The following HTRA1 variants were observed in gnomAD, a reference collection of about 807,000 sequenced individuals.
The protein encoded by HTRA1 is serine protease HTRA1.
HTRA1 carries 26 observed loss-of-function variants against 49.7 expected under a neutral mutation model. The observed-to-expected ratio is 0.52, with a 90% confidence interval of 0.38 to 0.73. The LOEUF (loss-of-function observed/expected upper bound fraction) is 0.73. Among genes scored for constraint, HTRA1 ranks in the 30% least tolerant of loss-of-function variants. HTRA1 has a pLI of 0.00. For synonymous variants in HTRA1, 291 were observed against 286.9 expected (o/e 1.01, Z -0.14); for missense variants, 561 against 667.2 (o/e 0.84, Z 1.75).
Position 122,461,817 on chromosome 10 carries a change from C to A in HTRA1, c.165C>A (p.Gly55=), listed in dbSNP as rs947247701. 74 of 1,076,378 alleles carry A rather than the reference C, an allele frequency of 6.9e-5. 1 individual carries two copies. The highest frequency in any genetic ancestry group is 8.3e-4 in the Middle Eastern group (2 of 2,422). The allele number at this position is 1,076,378 out of a possible 1,614,324, so 66.7% of individuals were successfully genotyped here. The change falls in exon 1 of 9, where the codon GGC becomes GGA. Residue 55 remains glycine, a synonymous_variant. Coordinates refer to ENST00000368984, the MANE Select transcript of HTRA1 (RefSeq NM_002775.5). ...RCPPQPEHCE[G]GRARDACGCC... is the part of the protein sequence containing the mutation. ...CGCCGCAGCCGGAGCACTGCGAGGG[C>A]GGCCGGGCCCGGGACGCGTGCGGCT... is the stretch of plus-strand genomic sequence containing the variant.
chr10:122,485,933 A>G (rs921323634), intron 1 of HTRA1, among the ~76,000 whole-genome samples: 18 of 152,236 alleles, frequency 1.2e-4, no homozygotes, highest in Admixed American at 9.8e-4. Context: ...GAGGAAGCCC[A>G]GATGCGTTTG....
chr10:122,477,022 C>T (rs1462847951), intron 1 of HTRA1, among the ~76,000 whole-genome samples: 3 of 142,738 alleles, frequency 2.1e-5, no homozygotes, highest in Non-Finnish European at 4.5e-5. Flanking sequence ...GGCTGGAGTG[C>T]ACTGGCGCAA....
intron 3 of HTRA1, among the ~76,000 whole-genome samples, chr10:122,497,752 G>T (rs745406376): frequency 2.0e-5 from 3 of 152,180 alleles, no homozygotes; most frequent in Non-Finnish European, 2.9e-5. Context: ...GACCTGGCTG[G>T]TTCATTCTTT....
Position 122,512,009 on chromosome 10 carries a change from A to AG in HTRA1, c.1219dup (p.Asp407GlyfsTer10). ...TGAAGGACCGGCACCGGGACTTCCC[A>AG]GACGTGATCTCAGGAGCGTATATAA... On this transcript the variant is annotated frameshift_variant, in exon 8 of 9. Transcript: ENST00000368984. LOFTEE classifies it high-confidence loss of function. 1 of 1,614,096 alleles carries AG rather than the reference A, an allele frequency of 6.2e-7. No individual in the cohort carries two copies. Among genetic ancestry groups the AG allele is most frequent in the Non-Finnish European group, 8.5e-7 (1 of 1,179,986 alleles).
At chr10:122,507,027 C>A (rs932996683) in intron 4 of HTRA1, 142 bp downstream of exon 4, 13 of 798,970 alleles carry the variant, frequency 1.6e-5, no homozygotes, top group Non-Finnish European at 2.5e-5. Flanking sequence ...ATTCTAGTGC[C>A]AGCAGCATGG....
At chr10:122,489,804 G>C (rs1191969570) in intron 3 of HTRA1, among the ~76,000 whole-genome samples, 178 bp downstream of exon 3, 2 of 151,798 alleles carry the variant, frequency 1.3e-5, no homozygotes, top group African/African-American at 4.8e-5. Context: ...GGAGAGGAAG[G>C]GGCTCAGGAA....
chr10:122,467,489 C>A (rs2097484245), intron 1 of HTRA1, among the ~76,000 whole-genome samples: 1 of 152,178 alleles, frequency 6.6e-6, no homozygotes, highest in African/African-American at 2.4e-5. Flanking sequence ...CCTGGGGAGG[C>A]TTCCTTATGA....
intron 3 of HTRA1, among the ~76,000 whole-genome samples, chr10:122,492,863 C>T (rs985499695): frequency 6.6e-6 from 1 of 152,118 alleles, no homozygotes; most frequent in Admixed American, 6.5e-5. Flanking sequence ...CCCTTGGAAT[C>T]GCAAAGTGAA....
At chr10:122,486,083 A>G (rs554738437) in intron 1 of HTRA1, among the ~76,000 whole-genome samples, 1 of 152,278 alleles carries the variant, frequency 6.6e-6, no homozygotes, top group East Asian at 1.9e-4. Context: ...AGGGTAGCAG[A>G]TCTGTAGGAG....
chr10:122,502,767 A>G (rs2097501480), intron 3 of HTRA1, among the ~76,000 whole-genome samples: 1 of 152,196 alleles, frequency 6.6e-6, no homozygotes, highest in South Asian at 2.1e-4. Context: ...TTTTGCACCA[A>G]ACTTGAGCTA....
chr10:122,500,711 G>A (rs1181616903), intron 3 of HTRA1, among the ~76,000 whole-genome samples: 2 of 152,118 alleles, frequency 1.3e-5, no homozygotes, highest in East Asian at 1.9e-4. Flanking sequence ...AGCCTGAGGC[G>A]CGCTGTCAAC....
chr10:122,498,133 G>A (rs945338256), intron 3 of HTRA1, among the ~76,000 whole-genome samples: 1 of 151,656 alleles, frequency 6.6e-6, no homozygotes, highest in African/African-American at 2.4e-5. Flanking sequence ...TTTCATTTGT[G>A]TGCTCTCTCT....
intron 1 of HTRA1, among the ~76,000 whole-genome samples, chr10:122,486,935 C>T: frequency 6.6e-6 from 1 of 151,392 alleles, no homozygotes; most frequent in East Asian, 1.9e-4. Flanking sequence ...GGTGTGTATG[C>T]ATAGTGTGTA....
chr10:122,468,717 G>T (rs544359801), intron 1 of HTRA1, among the ~76,000 whole-genome samples: 8 of 152,220 alleles, frequency 5.3e-5, no homozygotes, highest in Non-Finnish European at 1.2e-4. Flanking sequence ...CTTGAATTAA[G>T]AGCTGCATGT....
chr10:122,496,225 G>GTTTTGTTTTTTTTTTTT (rs1287521208), intron 3 of HTRA1, among the ~76,000 whole-genome samples: 6 of 80,408 alleles, frequency 7.5e-5, no homozygotes, highest in African/African-American at 2.0e-4. Context: ...GAGATTGTGG[G>GTTTTGTTTTTTTTTTTT]TTCTTTTTTT....
At chr10:122,462,175 G>C in intron 1 of HTRA1, 51 bp downstream of exon 1, 2 of 1,426,352 alleles carry the variant, frequency 1.4e-6, no homozygotes, top group Non-Finnish European at 9.5e-7. Flanking sequence ...TCCCAGCTCG[G>C]ACCTGCTTCT....
chr10:122,462,856 G>A (rs1161238443), intron 1 of HTRA1, among the ~76,000 whole-genome samples: 1 of 152,234 alleles, frequency 6.6e-6, no homozygotes, highest in East Asian at 1.9e-4. Context: ...TTAGTGATGA[G>A]GAAGAAGTCT....
intron 1 of HTRA1, among the ~76,000 whole-genome samples, chr10:122,476,398 C>A (rs1425615041): frequency 6.6e-6 from 1 of 152,212 alleles, no homozygotes; most frequent in Non-Finnish European, 1.5e-5. Flanking sequence ...GGTTAGTTAA[C>A]CACCTGCCTC....
In HTRA1 at chr10:122,514,734, C is replaced by T. The variant is rs1482836812; in HGVS notation, c.*375C>T. On this transcript the variant is annotated 3_prime_UTR_variant, in exon 9 of 9. Coordinates refer to ENST00000368984, the MANE Select transcript of HTRA1 (RefSeq NM_002775.5). ...AAGCCCCACGGGAGCCAGGATGGGA[C>T]TGGTCGTGTTTGTGCTTTTCTCCAA... The T allele has an allele frequency of 6.7e-5, 21 of 312,642 alleles. No homozygotes were observed. 19.4% of individuals were successfully genotyped at this position (312,642 alleles called of 1,614,324 possible). A position where few individuals can be genotyped will look rare whatever the true frequency, so the allele number is the denominator to read the frequency against.
Sources: gnomAD v4.1 joint callset for allele counts (sites outside exome capture counted in the v4.1 genomes callset) on GRCh38, gnomAD v4.1.1 for gene constraint, MANE v1.5 for transcripts, NCBI Gene and HGNC (gene_info 2026-07-23, HGNC 2026-07-21) for gene names.